The following AMBP variants were observed in gnomAD, a reference collection of about 807,000 sequenced individuals.
AMBP encodes alpha-1-microglobulin/bikunin precursor.
In AMBP, 37 loss-of-function variants were observed where a neutral mutation model predicts 46.3. The observed-to-expected ratio is 0.80, with a 90% CI of 0.61 to 1.05. AMBP has a LOEUF of 1.05. Among genes scored for constraint, AMBP ranks in the 50% least tolerant of loss-of-function variants. AMBP has a pLI of 0.00. For synonymous variants in AMBP, 174 were observed against 175.9 expected, an observed-to-expected ratio of 0.99 and a Z score of 0.09; for missense variants, 475 against 461.2, an observed-to-expected ratio of 1.03 and a Z score of -0.27.
intron 6 of AMBP, among the ~76,000 whole-genome samples, chr9:114,066,905 GA>G (rs1399705808): frequency 1.3e-5 from 2 of 152,268 alleles, no homozygotes; most frequent in African/African-American, 4.8e-5. Flanking sequence ...ATCTGTATAT[GA>G]AAAGAGAACA....
At chr9:114,072,166 C>T (rs1237219788) in intron 5 of AMBP, among the ~76,000 whole-genome samples, 2 of 152,186 alleles carry the variant, frequency 1.3e-5, no homozygotes. Flanking sequence ...CTTTGGGGAG[C>T]CCAGACCTGG....
chr9:114,074,858 A>C (rs1846788207), intron 3 of AMBP, 102 bp downstream of exon 3: 1 of 1,017,242 alleles, frequency 9.8e-7, no homozygotes, highest in Non-Finnish European at 1.5e-6. Context: ...ATGACATCTC[A>C]GCTAAATGGG....
chr9:114,075,913 G>T (rs558103231), intron 2 of AMBP, among the ~76,000 whole-genome samples: 7 of 152,286 alleles, frequency 4.6e-5, no homozygotes, highest in African/African-American at 1.7e-4. Flanking sequence ...CTGGAGGCGT[G>T]AGAGTTCCAG....
intron 5 of AMBP, among the ~76,000 whole-genome samples, chr9:114,072,243 C>A (rs960998779): frequency 2.0e-5 from 3 of 152,190 alleles, no homozygotes; most frequent in African/African-American, 7.2e-5. Context: ...CTCCGAGCTT[C>A]CAAGCACCAC....
Position 114,061,492 on chromosome 9 carries a change from C to T in AMBP, c.785G>A (p.Gly262Asp). Residue 262 changes from glycine to aspartate, a missense_variant, in exon 8 of 10, where the codon GGC becomes GAC. By Grantham distance (94) the Gly-to-Asp change is moderately conservative. Transcript: ENST00000265132. The stretch of plus-strand genomic sequence containing the variant: ...GTTGTTACCGTTGCCCATGCAGCCG[C>T]CGTACTGGAAAGTCTCACAGGCCAT... ...TSMACETFQY[G>D]GCMGNGNNFV... is the part of the protein sequence containing the mutation. 2 of 1,614,156 alleles carry T rather than the reference C, an allele frequency of 1.2e-6. No individual in the cohort carries two copies. The highest frequency in any genetic ancestry group is 1.7e-6 in the Non-Finnish European group (2 of 1,180,022).
Position 114,061,055 on chromosome 9 carries a change from G to A in AMBP, c.897C>T (p.Phe299=), listed in dbSNP as rs976298812. The change falls in exon 9 of 10, where the codon TTC becomes TTT. Residue 299 remains phenylalanine, a synonymous_variant. Coordinates refer to ENST00000265132, the MANE Select transcript of AMBP (RefSeq NM_001633.4). ...CAGCATCAAATGCCCAGAGCTGGAT[G>A]AAGGCTCGGCAGGGGCCCCGGACTA... is the stretch of plus-strand genomic sequence containing the variant. ...LPIVRGPCRA[F]IQLWAFDAVK... 1 of 1,614,128 alleles carries A rather than the reference G, an allele frequency of 6.2e-7. No homozygotes were observed. Among genetic ancestry groups the A allele is most frequent in the African/African-American group, 1.3e-5 (1 of 74,960 alleles).
At chr9:114,064,788 C>A (rs1846677421) in intron 6 of AMBP, among the ~76,000 whole-genome samples, 2 of 152,196 alleles carry the variant, frequency 1.3e-5, no homozygotes, top group South Asian at 4.1e-4. Flanking sequence ...AAACACAAGA[C>A]ATTTTGGAAC....
chr9:114,069,610 T>TC (rs1340728196), intron 6 of AMBP, 89 bp downstream of exon 6: 22 of 1,104,640 alleles, frequency 2.0e-5, no homozygotes, highest in Admixed American at 1.8e-4. Flanking sequence ...TGACTCTGCC[T>TC]CCCCCCGCAG....
intron 5 of AMBP, among the ~76,000 whole-genome samples, chr9:114,071,064 CTGGGGCTGCACACCCCATTGAGCTGG>C (rs1846739434): frequency 6.6e-6 from 1 of 152,282 alleles, no homozygotes; most frequent in South Asian, 2.1e-4. Flanking sequence ...AGGGGTGTGG[CTGGGGCTGCACACCCCATTGAGCTGG>C]TGGGAGCTGG....
At chr9:114,060,830 A>AACTC in intron 9 of AMBP, 95 bp downstream of exon 9, 4 of 1,396,130 alleles carry the variant, frequency 2.9e-6, no homozygotes, top group Non-Finnish European at 3.9e-6. Context: ...CAGAGTCCAG[A>AACTC]ACTCAGCTCT....
Position 114,060,236 on chromosome 9 carries a change from T to C in AMBP, c.*3A>G. 6.2e-7 allele frequency: 1 copy of C among 1,612,706 alleles called. No homozygotes were observed. ...ATCCTCTGACTTGCAGACCGGCCAG[T>C]TGTCAGTTGGAGAAGCGCAGCAGCT... On this transcript the variant is annotated 3_prime_UTR_variant, in exon 10 of 10. Coordinates refer to ENST00000265132, the MANE Select transcript of AMBP (RefSeq NM_001633.4).
intron 6 of AMBP, among the ~76,000 whole-genome samples, chr9:114,067,586 A>T (rs1263002447): frequency 6.6e-6 from 1 of 152,190 alleles, no homozygotes; most frequent in Non-Finnish European, 1.5e-5. Context: ...AATTTTCAAC[A>T]TCAAGACAGG....
intron 7 of AMBP, 73 bp downstream of exon 7, chr9:114,062,604 C>A: frequency 2.0e-6 from 3 of 1,469,964 alleles, no homozygotes; most frequent in Non-Finnish European, 2.9e-6. Context: ...ATAAGAGTAG[C>A]CAGGGTGAGC....
At chr9:114,063,539 G>A (rs77965738) in intron 6 of AMBP, among the ~76,000 whole-genome samples, 3,033 of 152,284 alleles carry the variant, frequency 0.02, 46 homozygotes, top group East Asian at 0.074. Context: ...GAGAAAAATC[G>A]TGGGACAAGT....
intron 6 of AMBP, among the ~76,000 whole-genome samples, chr9:114,065,657 T>G (rs1298187792): frequency 7.2e-6 from 1 of 139,642 alleles, no homozygotes; most frequent in African/African-American, 2.6e-5. Context: ...ACCCTCACCA[T>G]TCCCTTGGAC....
rs777765351 is a variant in AMBP at position 114,078,237 on chromosome 9, TC to T, written c.-29del. 1 of 1,597,454 alleles carries T rather than the reference TC, an allele frequency of 6.3e-7. No individual in the cohort carries two copies. The highest frequency in any genetic ancestry group is 2.2e-5 in the East Asian group (1 of 44,670). ...CTATGGGCTCCTCTGCCTTGGTATA[TC>T]CCACAGGCTCGGTCTAGCAACAGAA... On this transcript the variant is annotated 5_prime_UTR_variant, in exon 1 of 10. Coordinates refer to ENST00000265132, the MANE Select transcript of AMBP (RefSeq NM_001633.4).
chr9:114,066,859 T>C (rs1285468445), intron 6 of AMBP, among the ~76,000 whole-genome samples: 1 of 152,254 alleles, frequency 6.6e-6, no homozygotes, highest in East Asian at 1.9e-4. Context: ...CTCAATGATA[T>C]CAAGAGAGAT....
At chr9:114,065,641 AC>A (rs1846686809) in intron 6 of AMBP, among the ~76,000 whole-genome samples, 1 of 134,660 alleles carries the variant, frequency 7.4e-6, no homozygotes, top group Non-Finnish European at 1.6e-5. Flanking sequence ...CCCCACCCCC[AC>A]CCCCACCCTC....
rs763253684 is a variant in AMBP, at chr9:114,075,037, C to A, written c.261-1G>T. ...AGACGTCTCCTCACAGACACCTTTC[C>A]TAGAAATGAACAAATCAAAAGGAAG... On this transcript the variant is annotated splice_acceptor_variant, in intron 2 of 9. Transcript: ENST00000265132. LOFTEE classifies it high-confidence loss of function. 1 of 1,613,776 alleles carries A rather than the reference C, an allele frequency of 6.2e-7. No homozygotes were observed. The highest frequency in any genetic ancestry group is 2.2e-5 in the East Asian group (1 of 44,872).
Sources: gnomAD v4.1 joint callset for allele counts (sites outside exome capture counted in the v4.1 genomes callset) on GRCh38, gnomAD v4.1.1 for gene constraint, MANE v1.5 for transcripts, NCBI Gene and HGNC (gene_info 2026-07-23, HGNC 2026-07-21) for gene names.